Variants in LIPC observed in about 807,000 individuals in gnomAD.
LIPC encodes lipase C, hepatic type.
In LIPC, 44 loss-of-function variants were observed where a neutral mutation model predicts 50.7. The ratio of observed to expected loss-of-function variants is 0.87; its 90% CI spans 0.68 to 1.11. The LOEUF (loss-of-function observed/expected upper bound fraction) is 1.11, where lower values mean the gene tolerates loss of function less well. Ranked by LOEUF, LIPC falls within the 50% of genes most tolerant of loss-of-function variation. The pLI is 0.00. For synonymous variants in LIPC, 271 were observed against 256.4 expected (o/e 1.06, Z -0.54); for missense variants, 697 against 648.2 (o/e 1.08, Z -0.82).
In LIPC at chr15:58,569,305, G is replaced by C. The variant is rs1434512822; in HGVS notation, c.*478G>C. The C allele has an allele frequency of 6.6e-6, 1 of 152,116 alleles. No homozygotes were observed. Among genetic ancestry groups the C allele is most frequent in the Non-Finnish European group, 1.5e-5 (1 of 68,044 alleles). The allele number at this position is 152,116 out of a possible 1,614,324, so 9.4% of individuals were successfully genotyped here. A position where few individuals can be genotyped will look rare whatever the true frequency, so the allele number is the denominator to read the frequency against. ...CTTTAAGACAATACAGTTCTTAAAA[G>C]AAGAAAAATTATAATTATTCTAATA... is the stretch of plus-strand genomic sequence containing the variant. On this transcript the variant is annotated 3_prime_UTR_variant, in exon 9 of 9. Transcript: ENST00000299022.
At chr15:58,535,799 C>T (rs1417269812) in intron 1 of LIPC, among the ~76,000 whole-genome samples, 3 of 152,094 alleles carry the variant, frequency 2.0e-5, no homozygotes, top group Non-Finnish European at 4.4e-5. Flanking sequence ...TATTTTTATC[C>T]CCATTTTATT....
chr15:58,500,658 CAGAT>C (rs1224041464), intron 1 of LIPC, among the ~76,000 whole-genome samples: 1 of 152,170 alleles, frequency 6.6e-6, no homozygotes, highest in Non-Finnish European at 1.5e-5. Context: ...TGACCTTGAG[CAGAT>C]AGATTTGGGA....
In LIPC at chr15:58,500,066, G is replaced by A. The variant is rs72743003; in HGVS notation, c.89-38267G>A. The stretch of plus-strand genomic sequence containing the variant: ...AAATTGGACCTCAGAGACAGGGCAC[G>A]GGGCAGAGTCTGATTCCAACTGAAA... On this transcript the variant is annotated intron_variant, in intron 1 of 8. Coordinates refer to ENST00000299022, the MANE Select transcript of LIPC (RefSeq NM_000236.3). Among the ~76,000 whole-genome samples the A allele has an allele frequency of 2.3e-3, 345 of 152,042 alleles. 3 individuals are homozygous for A. The highest frequency in any genetic ancestry group is 7.6e-3 in the African/African-American group (317 of 41,444).
chr15:58,482,761 GC>G (rs1891236220), intron 1 of LIPC, among the ~76,000 whole-genome samples: 1 of 152,128 alleles, frequency 6.6e-6, no homozygotes, highest in Admixed American at 6.5e-5. Flanking sequence ...TCTACAGCAA[GC>G]AAAAAACCTT....
At chr15:58,436,711 T>G (rs1239170297) in intron 1 of LIPC, 3 of 455,978 alleles carry the variant, frequency 6.6e-6, no homozygotes, top group African/African-American at 6.0e-5. Context: ...ATGAGGACCA[T>G]GAGAGAGGAA....
intron 1 of LIPC, among the ~76,000 whole-genome samples, chr15:58,480,958 A>G (rs1891165881): frequency 1.3e-5 from 2 of 152,010 alleles, no homozygotes; most frequent in Non-Finnish European, 2.9e-5. Context: ...GGTGATTTAA[A>G]CAGCCCCTAG....
intron 1 of LIPC, among the ~76,000 whole-genome samples, chr15:58,514,887 C>T (rs1341977399): frequency 1.3e-5 from 2 of 152,166 alleles, no homozygotes; most frequent in East Asian, 3.8e-4. Flanking sequence ...TAACAAATTA[C>T]TACAAATTTA....
At chr15:58,481,956 G>A (rs919288282) in intron 1 of LIPC, among the ~76,000 whole-genome samples, 1 of 152,182 alleles carries the variant, frequency 6.6e-6, no homozygotes, top group African/African-American at 2.4e-5. Flanking sequence ...TGCCTATCCT[G>A]TCTCCAGAAC....
chr15:58,483,258 T>C (rs1250665339), intron 1 of LIPC, among the ~76,000 whole-genome samples: 1 of 152,166 alleles, frequency 6.6e-6, no homozygotes, highest in Non-Finnish European at 1.5e-5. Flanking sequence ...AAACACCAGG[T>C]TACTAAAGTC....
At chr15:58,466,263 T>C (rs1239472448) in intron 1 of LIPC, among the ~76,000 whole-genome samples, 5 of 152,228 alleles carry the variant, frequency 3.3e-5, no homozygotes, top group African/African-American at 1.2e-4. Context: ...TGATTAGAAC[T>C]CCTAGCGGGT....
chr15:58,451,243 T>C (rs1893889707), intron 1 of LIPC, among the ~76,000 whole-genome samples: 1 of 152,068 alleles, frequency 6.6e-6, no homozygotes, highest in South Asian at 2.1e-4. Flanking sequence ...AGTCAACATA[T>C]TTGGAGATAC....
intron 1 of LIPC, among the ~76,000 whole-genome samples, chr15:58,501,159 C>T (rs1400033024): frequency 2.6e-5 from 4 of 152,052 alleles, no homozygotes; most frequent in Non-Finnish European, 5.9e-5. Flanking sequence ...CTTTCCTCTG[C>T]GTCTCTACAA....
At chr15:58,513,105 C>T (rs1352417132) in intron 1 of LIPC, among the ~76,000 whole-genome samples, 1 of 152,226 alleles carries the variant, frequency 6.6e-6, no homozygotes, top group African/African-American at 2.4e-5. Context: ...AAGTCAATTA[C>T]TCACGGCCCA....
At chr15:58,523,530 T>C (rs12908322) in intron 1 of LIPC, among the ~76,000 whole-genome samples, 148,277 of 152,110 alleles carry the variant, frequency 0.97, 72,396 homozygotes, top group Middle Eastern at 1. Context: ...CTCTGGGGCA[T>C]GAAGGGGCTG....
chr15:58,494,913 A>C (rs1329695150), intron 1 of LIPC: 1 of 455,818 alleles, frequency 2.2e-6, no homozygotes, highest in Non-Finnish European at 4.4e-6. Flanking sequence ...AAAATTAAAT[A>C]TTAGTCCAGT....
At chr15:58,460,973 G>A (rs1419689633) in intron 1 of LIPC, among the ~76,000 whole-genome samples, 1 of 152,162 alleles carries the variant, frequency 6.6e-6, no homozygotes, top group East Asian at 1.9e-4. Context: ...ATGTAAGAGG[G>A]GTTTGTTTGG....
At chr15:58,528,055 G>A (rs1218452505) in intron 1 of LIPC, among the ~76,000 whole-genome samples, 1 of 150,676 alleles carries the variant, frequency 6.6e-6, no homozygotes, top group Admixed American at 6.6e-5. Context: ...CAGGAGAATC[G>A]CTTGAACTCG....
At chr15:58,496,787 C>T (rs1333764194) in intron 1 of LIPC, among the ~76,000 whole-genome samples, 1 of 138,514 alleles carries the variant, frequency 7.2e-6, no homozygotes, top group African/African-American at 2.7e-5. Flanking sequence ...CTCTGTCACC[C>T]AGGCTGGAGT....
intron 6 of LIPC, among the ~76,000 whole-genome samples, chr15:58,552,509 T>C (rs1893800765): frequency 6.6e-6 from 1 of 152,182 alleles, no homozygotes; most frequent in Non-Finnish European, 1.5e-5. Context: ...ACTCTTCTCC[T>C]GTCTTCCCCG....
Sources: gnomAD v4.1 joint callset for allele counts (sites outside exome capture counted in the v4.1 genomes callset) on GRCh38, gnomAD v4.1.1 for gene constraint, MANE v1.5 for transcripts, NCBI Gene and HGNC (gene_info 2026-07-23, HGNC 2026-07-21) for gene names.